Variants in VPS41 observed in about 807,000 individuals in gnomAD.
The protein encoded by VPS41 is vacuolar protein sorting-associated protein 41 homolog.
VPS41 carries 85 observed loss-of-function variants against 130.9 expected under a neutral mutation model. The ratio of observed to expected loss-of-function variants is 0.65; its 90% confidence interval spans 0.55 to 0.78. The LOEUF is 0.78. Among genes scored for constraint, VPS41 ranks in the 30% least tolerant of loss-of-function variants. The pLI is 0.00. For missense variants in VPS41, 874 were observed against 1,018.7 expected (o/e 0.86, Z 1.93); for synonymous variants, 335 against 332.9 (o/e 1.01, Z -0.07).
intron 3 of VPS41, among the ~76,000 whole-genome samples, chr7:38,868,541 C>G (rs1325382227): frequency 6.6e-6 from 1 of 152,052 alleles, no homozygotes; most frequent in Non-Finnish European, 1.5e-5. Context: ...TCCCTGCCCC[C>G]CAATATTCTG....
At chr7:38,803,805 A>T (rs1213463706) in intron 7 of VPS41, among the ~76,000 whole-genome samples, 1 of 152,208 alleles carries the variant, frequency 6.6e-6, no homozygotes, top group Admixed American at 6.5e-5. Flanking sequence ...AATGACCAGG[A>T]ACCCATATGG....
chr7:38,894,344 T>C (rs1786932297), intron 2 of VPS41, among the ~76,000 whole-genome samples: 1 of 151,828 alleles, frequency 6.6e-6, no homozygotes, highest in African/African-American at 2.4e-5. Context: ...ACCTGGTCCA[T>C]CAACATCCTG....
chr7:38,757,715 TGGG>T (rs1783828135), intron 18 of VPS41, among the ~76,000 whole-genome samples: 1 of 152,094 alleles, frequency 6.6e-6, no homozygotes, highest in Admixed American at 6.6e-5. Flanking sequence ...CCTGAGGTGA[TGGG>T]GGCACTGAGG....
rs529914528 is a variant in VPS41, at chr7:38,784,645, G to A, written c.784+5156C>T. Among the ~76,000 whole-genome samples the A allele has an allele frequency of 9.8e-5, 14 of 142,220 alleles. 1 individual carries two copies. The South Asian group carries it at 2.5e-3, about 26-fold the overall frequency. 93.3% of individuals were successfully genotyped at this position (142,220 alleles called of 152,430 possible). A position where few individuals can be genotyped will look rare whatever the true frequency, so the allele number is the denominator to read the frequency against. ...CAAGACCCTATATCGAAAGAAGGAG[G>A]GGGGGAGTTAGGGGGAAGGAGGAGG... On this transcript the variant is annotated intron_variant, in intron 10 of 28. Coordinates refer to ENST00000310301, the MANE Select transcript of VPS41 (RefSeq NM_014396.4).
chr7:38,764,311 C>T (rs1237341673), intron 16 of VPS41, among the ~76,000 whole-genome samples: 3 of 152,102 alleles, frequency 2.0e-5, no homozygotes, highest in African/African-American at 7.2e-5. Flanking sequence ...TGAGCAAAGG[C>T]GTGGAGCCAT....
At position 38,726,415 on chromosome 7, in the gene VPS41, G is replaced by C. The variant is rs762242289; in HGVS notation, c.2485-89C>G. 1.2e-4 allele frequency: 119 copies of C among 974,274 alleles called. 1 individual carries two copies. The highest frequency in any genetic ancestry group is 4.3e-5 in the South Asian group (3 of 69,948). The allele number at this position is 974,274 out of a possible 1,614,324, so 60.4% of individuals were successfully genotyped here. A position where few individuals can be genotyped will look rare whatever the true frequency, so the allele number is the denominator to read the frequency against. ...GAAACACTAAGGTAGCGTTAGTCAG[G>C]GGGTGGAGAGGAAGTAATAGGATGG... On this transcript the variant is annotated intron_variant, in intron 28 of 28. Coordinates refer to ENST00000310301, the MANE Select transcript of VPS41 (RefSeq NM_014396.4).
At chr7:38,766,973 T>C (rs1179503928) in intron 15 of VPS41, among the ~76,000 whole-genome samples, 1 of 152,168 alleles carries the variant, frequency 6.6e-6, no homozygotes, top group African/African-American at 2.4e-5. Flanking sequence ...TCTTGGTCAC[T>C]AGAAAAGATT....
At chr7:38,754,392 A>G (rs1783747086) in intron 21 of VPS41, among the ~76,000 whole-genome samples, 1 of 152,208 alleles carries the variant, frequency 6.6e-6, no homozygotes, top group Non-Finnish European at 1.5e-5. Context: ...CATTCATTAT[A>G]GTTAAATATA....
chr7:38,838,927 T>C (rs537285604), intron 4 of VPS41, among the ~76,000 whole-genome samples: 1 of 152,310 alleles, frequency 6.6e-6, no homozygotes, highest in East Asian at 1.9e-4. Flanking sequence ...CCTTAAGCTA[T>C]CAGTCCCCCA....
chr7:38,795,707 C>T (rs1046820086), intron 8 of VPS41, 96 bp from the exon 9 acceptor site: 35 of 1,130,654 alleles, frequency 3.1e-5, no homozygotes, highest in East Asian at 1.5e-4. Flanking sequence ...ATAACCAGCA[C>T]GGAGAAATAT....
intron 1 of VPS41, among the ~76,000 whole-genome samples, chr7:38,903,584 A>C (rs990716301): frequency 6.6e-6 from 1 of 152,194 alleles, no homozygotes; most frequent in Non-Finnish European, 1.5e-5. Context: ...GGTACATGTG[A>C]ACACTCACTG....
chr7:38,783,197 T>A (rs1418182147), intron 10 of VPS41, among the ~76,000 whole-genome samples: 1 of 152,094 alleles, frequency 6.6e-6, no homozygotes, highest in Non-Finnish European at 1.5e-5. Flanking sequence ...TCAAGATGAC[T>A]AAGACCTGAC....
intron 2 of VPS41, among the ~76,000 whole-genome samples, chr7:38,884,691 C>T (rs544034677): frequency 1.8e-4 from 28 of 152,270 alleles, no homozygotes; most frequent in African/African-American, 6.3e-4. Flanking sequence ...CCTGCCTTGG[C>T]CTGGGCTCTG....
At chr7:38,791,562 G>A (rs898865318) in intron 9 of VPS41, among the ~76,000 whole-genome samples, 1 of 152,156 alleles carries the variant, frequency 6.6e-6, no homozygotes, top group African/African-American at 2.4e-5. Flanking sequence ...GCTAGGGCAG[G>A]AAGACTTCCT....
chr7:38,779,957 T>C (rs1784326701), intron 10 of VPS41, among the ~76,000 whole-genome samples: 1 of 152,212 alleles, frequency 6.6e-6, no homozygotes, highest in African/African-American at 2.4e-5. Context: ...AATTCTATTC[T>C]ATTCCACGTA....
intron 7 of VPS41, among the ~76,000 whole-genome samples, chr7:38,813,015 A>C (rs927248928): frequency 2.6e-5 from 4 of 152,230 alleles, no homozygotes; most frequent in Non-Finnish European, 5.9e-5. Context: ...TATATGATTC[A>C]ACAATTCCAT....
rs774172436 is a variant in VPS41 at position 38,869,217 on chromosome 7, C to CAT, written c.95_96dup (p.Glu33MetfsTer8). The stretch of plus-strand genomic sequence containing the variant: ...TCAGTTACCCCATTGGAAAGCCTTT[C>CAT]ATACTTCAGCTTGGGTTCCTCTTCG... On this transcript the variant is annotated frameshift_variant, in exon 3 of 29. Coordinates refer to ENST00000310301, the MANE Select transcript of VPS41 (RefSeq NM_014396.4). LOFTEE classifies it high-confidence loss of function. 1 of 1,612,822 alleles carries CAT rather than the reference C, an allele frequency of 6.2e-7. No individual in the cohort carries two copies. The highest frequency in any genetic ancestry group is 2.2e-5 in the East Asian group (1 of 44,868).
chr7:38,841,709 T>G (rs1055672561), intron 4 of VPS41, among the ~76,000 whole-genome samples: 5 of 152,240 alleles, frequency 3.3e-5, no homozygotes, highest in Non-Finnish European at 5.9e-5. Context: ...GTTCAAGCAA[T>G]TCTCCTGCCT....
chr7:38,741,219 A>G (rs1366592743), intron 25 of VPS41: 2 of 235,488 alleles, frequency 8.5e-6, no homozygotes, highest in Non-Finnish European at 1.8e-5. Flanking sequence ...GTTTCTAGGA[A>G]AGTAATTTCA....
Sources: gnomAD v4.1 joint callset for allele counts (sites outside exome capture counted in the v4.1 genomes callset) on GRCh38, gnomAD v4.1.1 for gene constraint, MANE v1.5 for transcripts, NCBI Gene and HGNC (gene_info 2026-07-23, HGNC 2026-07-21) for gene names.